The following ENTREP2 variants were observed in gnomAD, a reference collection of about 807,000 sequenced individuals.
ENTREP2 encodes endosomal transmembrane epsin interactor 2, also known as protein ENTREP2.
the ENTREP2 span, among the ~76,000 whole-genome samples, chr15:29,627,805 CAT>C: frequency 2.0e-5 from 3 of 152,144 alleles, no homozygotes; most frequent in African/African-American, 7.2e-5. Flanking sequence ...CATGTGGTAG[CAT>C]ATGTCAAAAT....
chr15:29,648,989 A>G, the ENTREP2 span, among the ~76,000 whole-genome samples: 1 of 151,884 alleles, frequency 6.6e-6, no homozygotes, highest in East Asian at 1.9e-4. Context: ...CCTTTCACCC[A>G]AAGTTGAGCC....
the ENTREP2 span, among the ~76,000 whole-genome samples, chr15:29,568,680 G>C: frequency 6.8e-6 from 1 of 147,028 alleles, no homozygotes; most frequent in African/African-American, 2.5e-5. Context: ...CTCCAGCCTG[G>C]GCAAAAGAGC....
chr15:29,284,227 A>C, the ENTREP2 span, among the ~76,000 whole-genome samples: 1 of 152,192 alleles, frequency 6.6e-6, no homozygotes, highest in African/African-American at 2.4e-5. Context: ...AAATCATATA[A>C]GCTTCCAGAC....
the ENTREP2 span, chr15:29,569,475 G>A: frequency 1.3e-5 from 2 of 152,138 alleles, no homozygotes; most frequent in African/African-American, 4.8e-5. Flanking sequence ...GATTGGTTTG[G>A]ATTTCTGTAG....
chr15:29,206,122 T>A, the ENTREP2 span, among the ~76,000 whole-genome samples: 1 of 152,170 alleles, frequency 6.6e-6, no homozygotes, highest in Non-Finnish European at 1.5e-5. Flanking sequence ...TTATAAACAG[T>A]AGAAATTTAT....
chr15:29,584,996 T>G, the ENTREP2 span, among the ~76,000 whole-genome samples: 5 of 73,958 alleles, frequency 6.8e-5, no homozygotes, highest in East Asian at 1.5e-3. Flanking sequence ...CAAAGATCGA[T>G]GGATAGATAG....
At chr15:29,226,865 C>T in the ENTREP2 span, among the ~76,000 whole-genome samples, 19 of 152,222 alleles carry the variant, frequency 1.2e-4, no homozygotes, top group Non-Finnish European at 2.6e-4. Flanking sequence ...GTGGTCCTGA[C>T]AGATTCAGCA....
At chr15:29,473,777 G>A in the ENTREP2 span, among the ~76,000 whole-genome samples, 1 of 152,222 alleles carries the variant, frequency 6.6e-6, no homozygotes, top group Non-Finnish European at 1.5e-5. Context: ...TGAGGCTGCT[G>A]GCAAATTGAC....
At chr15:29,212,367 CTT>C in the ENTREP2 span, among the ~76,000 whole-genome samples, 1 of 152,232 alleles carries the variant, frequency 6.6e-6, no homozygotes, top group East Asian at 1.9e-4. Flanking sequence ...GGTTTTCTCT[CTT>C]GTTTTCTTGG....
chr15:29,608,952 C>A, the ENTREP2 span, among the ~76,000 whole-genome samples: 1 of 152,106 alleles, frequency 6.6e-6, no homozygotes, highest in South Asian at 2.1e-4. Flanking sequence ...CTCGAATTGG[C>A]CCACAATACT....
the ENTREP2 span, chr15:29,376,848 A>G: frequency 1.3e-5 from 2 of 152,212 alleles, no homozygotes; most frequent in Non-Finnish European, 2.9e-5. Context: ...CAGGAGAGCA[A>G]TGGCAGCACC....
At chr15:29,430,975 C>A in the ENTREP2 span, among the ~76,000 whole-genome samples, 1 of 152,136 alleles carries the variant, frequency 6.6e-6, no homozygotes, top group African/African-American at 2.4e-5. Flanking sequence ...CTCCTTTGTG[C>A]GTAGCTACCC....
the ENTREP2 span, among the ~76,000 whole-genome samples, chr15:29,577,509 G>A: frequency 2.0e-5 from 3 of 151,970 alleles, no homozygotes; most frequent in South Asian, 2.1e-4. Context: ...GCGCACCACC[G>A]TGCCTGACTA....
the ENTREP2 span, among the ~76,000 whole-genome samples, chr15:29,150,615 T>TA: frequency 6.6e-6 from 1 of 152,136 alleles, no homozygotes; most frequent in African/African-American, 2.4e-5. Context: ...CTTAATTAGA[T>TA]ACCTTTCAGA....
At chr15:29,171,286 C>T in the ENTREP2 span, among the ~76,000 whole-genome samples, 1,259 of 152,284 alleles carry the variant, frequency 8.3e-3, 17 homozygotes, top group African/African-American at 0.028. Flanking sequence ...TTAAACCATC[C>T]GAAACACCAT....
the ENTREP2 span, among the ~76,000 whole-genome samples, chr15:29,200,715 G>C: frequency 6.6e-6 from 1 of 151,584 alleles, no homozygotes; most frequent in Non-Finnish European, 1.5e-5. Context: ...CCCGCCACCA[G>C]GCCCAGCTAA....
chr15:29,175,322 CG>C, the ENTREP2 span, among the ~76,000 whole-genome samples: 1 of 152,166 alleles, frequency 6.6e-6, no homozygotes, highest in Non-Finnish European at 1.5e-5. Flanking sequence ...AATGTGCTGC[CG>C]GTAACGCTTA....
At chr15:29,594,607 G>A in the ENTREP2 span, among the ~76,000 whole-genome samples, 525 of 152,276 alleles carry the variant, frequency 3.4e-3, 6 homozygotes, top group African/African-American at 0.012. Flanking sequence ...TTTTGAATGA[G>A]TGAATGACTG....
At chr15:29,264,134 G>A in the ENTREP2 span, among the ~76,000 whole-genome samples, 214 of 93,468 alleles carry the variant, frequency 2.3e-3, 3 homozygotes, top group East Asian at 0.047. Flanking sequence ...CAGCCTGGGC[G>A]ACAGAGCGAG....
Sources: allele counts gnomAD v4.1 joint callset (sites outside exome capture counted in the v4.1 genomes callset), GRCh38; gene constraint gnomAD v4.1.1; transcripts MANE v1.5; gene names NCBI Gene and HGNC (gene_info 2026-07-23, HGNC 2026-07-21).